Variants in AGBL4 observed in about 807,000 individuals in gnomAD.
AGBL4 encodes the protein cytosolic carboxypeptidase 6.
AGBL4 carries 58 observed loss-of-function variants against 66.4 expected under a neutral mutation model. The observed-to-expected ratio is 0.87, with a 90% CI of 0.71 to 1.09. AGBL4 has a LOEUF of 1.09. AGBL4 is among the 50% of genes least tolerant of loss of function. The probability of loss-of-function intolerance (pLI) is 0.00; values close to 1 mark genes in which losing one functional copy is unlikely to be tolerated. For synonymous variants in AGBL4, 234 were observed against 222.9 expected (o/e 1.05, Z -0.44); for missense variants, 579 against 631.0 (o/e 0.92, Z 0.88).
intron 4 of AGBL4, among the ~76,000 whole-genome samples, chr1:49,233,037 A>G (rs1160837315): frequency 2.0e-5 from 3 of 152,244 alleles, no homozygotes; most frequent in Admixed American, 2.0e-4. Flanking sequence ...TGGATAATTT[A>G]TAATTTTTCC....
chr1:49,264,176 G>A (rs1031402227), intron 3 of AGBL4, among the ~76,000 whole-genome samples: 6 of 151,968 alleles, frequency 3.9e-5, no homozygotes, highest in African/African-American at 1.4e-4. Flanking sequence ...AGGTATATCC[G>A]TAATGACTTA....
At chr1:49,583,427 T>C (rs956650856) in intron 3 of AGBL4, among the ~76,000 whole-genome samples, 1 of 152,200 alleles carries the variant, frequency 6.6e-6, no homozygotes, top group African/African-American at 2.4e-5. Context: ...TTCCCTGAGT[T>C]ACATGGGTGA....
chr1:49,779,242 A>G (rs1644276164), intron 2 of AGBL4, among the ~76,000 whole-genome samples: 2 of 152,216 alleles, frequency 1.3e-5, no homozygotes, highest in African/African-American at 4.8e-5. Flanking sequence ...TGCTAGCTGA[A>G]AACTTCCTAA....
intron 9 of AGBL4, among the ~76,000 whole-genome samples, chr1:48,620,240 C>G (rs998773933): frequency 3.9e-5 from 6 of 152,142 alleles, no homozygotes; most frequent in African/African-American, 1.4e-4. Flanking sequence ...ATGGCTCAAA[C>G]TTGCTTCTAA....
chr1:49,603,521 T>A (rs1208786217), intron 3 of AGBL4, among the ~76,000 whole-genome samples: 1 of 135,424 alleles, frequency 7.4e-6, no homozygotes, highest in Non-Finnish European at 1.6e-5. Flanking sequence ...CGAGACTCCA[T>A]CTCAAAAAAT....
intron 1 of AGBL4, among the ~76,000 whole-genome samples, chr1:49,914,113 T>A (rs760006315): frequency 3.3e-5 from 5 of 152,206 alleles, no homozygotes; most frequent in Non-Finnish European, 7.3e-5. Flanking sequence ...TTCACTCTCC[T>A]AAAGACTCCT....
At chr1:48,963,731 G>A (rs1375905274) in intron 5 of AGBL4, among the ~76,000 whole-genome samples, 1 of 152,090 alleles carries the variant, frequency 6.6e-6, no homozygotes, top group Non-Finnish European at 1.5e-5. Flanking sequence ...GCCATTTTGT[G>A]CCCTGAATGC....
At chr1:48,810,051 C>G (rs1329324376) in intron 6 of AGBL4, among the ~76,000 whole-genome samples, 1 of 152,182 alleles carries the variant, frequency 6.6e-6, no homozygotes, top group Non-Finnish European at 1.5e-5. Flanking sequence ...TTCAACCACA[C>G]ATCTTAAGAC....
intron 3 of AGBL4, among the ~76,000 whole-genome samples, chr1:49,486,645 C>T (rs1377967318): frequency 6.6e-6 from 1 of 152,008 alleles, no homozygotes; most frequent in Non-Finnish European, 1.5e-5. Context: ...TATGCATTCT[C>T]CTGTGATTTC....
chr1:49,118,697 T>C (rs1645585259), intron 4 of AGBL4, among the ~76,000 whole-genome samples: 1 of 152,230 alleles, frequency 6.6e-6, no homozygotes, highest in Non-Finnish European at 1.5e-5. Context: ...GGTATCAGGA[T>C]GATGCTGGTC....
chr1:49,937,558 C>A (rs1654216247), intron 1 of AGBL4, among the ~76,000 whole-genome samples: 2 of 152,164 alleles, frequency 1.3e-5, no homozygotes, highest in Admixed American at 6.5e-5. Flanking sequence ...CACCACACCA[C>A]ACCTATTCCA....
intron 3 of AGBL4, among the ~76,000 whole-genome samples, chr1:49,514,702 G>C (rs1432542285): frequency 2.0e-5 from 3 of 152,006 alleles, no homozygotes; most frequent in Admixed American, 1.3e-4. Flanking sequence ...TAGATCAATG[G>C]AACACAACAG....
chr1:48,953,342 C>A (rs1302847148), intron 5 of AGBL4, among the ~76,000 whole-genome samples: 3 of 152,198 alleles, frequency 2.0e-5, no homozygotes, highest in Admixed American at 6.5e-5. Context: ...ATTGCAACTA[C>A]TATGCTGCCA....
At chr1:49,685,303 T>C (rs1319092493) in intron 3 of AGBL4, among the ~76,000 whole-genome samples, 23 of 152,246 alleles carry the variant, frequency 1.5e-4, no homozygotes, top group Admixed American at 1.5e-3. Context: ...AGTTCACCGT[T>C]GATGGGCATC....
Position 49,584,671 on chromosome 1 carries a change from T to A in AGBL4, c.282+112642A>T, listed in dbSNP as rs375866672. ...ACTCTCTTTAAGAAACCGAAAACAA[T>A]ATTATGAATATGAAATCAGGTTCAA... On this transcript the variant is annotated intron_variant, in intron 3 of 13. Transcript: ENST00000371839. Among the ~76,000 whole-genome samples the A allele has an allele frequency of 1.9e-3, 287 of 152,242 alleles. 2 individuals carry two copies. Among genetic ancestry groups the A allele is most frequent in the South Asian group, 9.7e-3 (47 of 4,826 alleles).
chr1:49,472,345 T>C (rs1470244100), intron 3 of AGBL4, among the ~76,000 whole-genome samples: 1 of 152,016 alleles, frequency 6.6e-6, no homozygotes, highest in African/African-American at 2.4e-5. Flanking sequence ...AATTAGTAGA[T>C]ACGAACACAG....
intron 3 of AGBL4, among the ~76,000 whole-genome samples, chr1:49,656,471 AT>A (rs1646135920): frequency 6.6e-6 from 1 of 152,188 alleles, no homozygotes; most frequent in Admixed American, 6.5e-5. Context: ...ATTCCAATCA[AT>A]AGAAAAAGAG....
chr1:49,747,848 C>T (rs1002420610), intron 2 of AGBL4, among the ~76,000 whole-genome samples: 3 of 151,794 alleles, frequency 2.0e-5, no homozygotes, highest in Non-Finnish European at 2.9e-5. Context: ...CAATTTGACA[C>T]AATAAATTTA....
chr1:49,769,996 C>G, intron 2 of AGBL4, among the ~76,000 whole-genome samples: 1 of 152,066 alleles, frequency 6.6e-6, no homozygotes, highest in Non-Finnish European at 1.5e-5. Flanking sequence ...CTTATGCACA[C>G]CAGAAAAATA....
Sources: gnomAD v4.1 joint callset for allele counts (sites outside exome capture counted in the v4.1 genomes callset) on GRCh38, gnomAD v4.1.1 for gene constraint, MANE v1.5 for transcripts, NCBI Gene and HGNC (gene_info 2026-07-23, HGNC 2026-07-21) for gene names.